Variants in PALLD observed in about 807,000 individuals in gnomAD.
PALLD encodes palladin, cytoskeletal associated protein.
Under a neutral mutation model 123.5 loss-of-function variants are expected in PALLD, and 61 were observed. The ratio of observed to expected loss-of-function variants is 0.49; its 90% CI spans 0.40 to 0.61. The LOEUF is 0.61. Ranked by LOEUF, PALLD falls within the 20% of genes least tolerant of loss-of-function variation. PALLD has a pLI of 0.00. For synonymous variants in PALLD, 465 were observed against 496.4 expected (o/e 0.94, Z 0.84); for missense variants, 1,273 against 1,377.0 (o/e 0.92, Z 1.20).
At chr4:168,652,840 A>G (rs141383352) in intron 2 of PALLD, among the ~76,000 whole-genome samples, 133 of 152,322 alleles carry the variant, frequency 8.7e-4, no homozygotes, top group African/African-American at 3.0e-3. Context: ...CCTAATTAGA[A>G]AGCCCCTGGA....
chr4:168,525,412 C>A (rs1189037104), intron 2 of PALLD, among the ~76,000 whole-genome samples: 1 of 152,112 alleles, frequency 6.6e-6, no homozygotes, highest in African/African-American at 2.4e-5. Flanking sequence ...TTCCTCTGCC[C>A]ACAGTAAAAT....
intron 10 of PALLD, among the ~76,000 whole-genome samples, chr4:168,748,735 A>G (rs1440961316): frequency 1.3e-5 from 2 of 152,084 alleles, no homozygotes; most frequent in Admixed American, 6.5e-5. Flanking sequence ...TTGTGGTTAT[A>G]TGACCGGGCC....
intron 2 of PALLD, among the ~76,000 whole-genome samples, chr4:168,547,547 C>T (rs1180215074): frequency 1.8e-5 from 2 of 110,784 alleles, no homozygotes; most frequent in Non-Finnish European, 3.4e-5. Flanking sequence ...CCTGGTGAAA[C>T]ATTATCTCTA....
chr4:168,746,160 C>T (rs192548186), intron 10 of PALLD, among the ~76,000 whole-genome samples: 1 of 151,906 alleles, frequency 6.6e-6, no homozygotes, highest in Non-Finnish European at 1.5e-5. Context: ...TTTTTTCCCT[C>T]CCCCACTTAA....
chr4:168,816,817 C>CGT (rs61010592), intron 10 of PALLD, among the ~76,000 whole-genome samples: 381 of 111,020 alleles, frequency 3.4e-3, no homozygotes, highest in East Asian at 7.5e-3. Flanking sequence ...GAGCTAGCCC[C>CGT]GTGTGTGTGT....
At chr4:168,718,703 C>T (rs775842299) in intron 10 of PALLD, among the ~76,000 whole-genome samples, 8 of 152,066 alleles carry the variant, frequency 5.3e-5, no homozygotes, top group Admixed American at 1.3e-4. Context: ...CAAATATATA[C>T]GTATATATAA....
intron 8 of PALLD, among the ~76,000 whole-genome samples, chr4:168,694,510 C>A (rs1216239841): frequency 6.6e-6 from 1 of 152,046 alleles, no homozygotes; most frequent in Non-Finnish European, 1.5e-5. Flanking sequence ...CTCACTCCCT[C>A]ATTCTTTTTA....
chr4:168,523,049 G>C (rs1763705179), intron 2 of PALLD, among the ~76,000 whole-genome samples: 1 of 151,814 alleles, frequency 6.6e-6, no homozygotes, highest in African/African-American at 2.4e-5. Flanking sequence ...CACATGTTGT[G>C]GTCCAAAAAA....
rs70961551 is a variant in PALLD, at chr4:168,689,432, C to CTTTT, written c.1336-1141_1336-1138dup. On this transcript the variant is annotated intron_variant, in intron 6 of 21. Coordinates refer to ENST00000505667, the MANE Select transcript of PALLD (RefSeq NM_001166108.2). The stretch of plus-strand genomic sequence containing the variant: ...TACACCTTACATTCGATCCAATATT[C>CTTTT]TTTTTTTTTTTTTTTTTTTTTTTTT... Among the ~76,000 whole-genome samples, 393 of 49,854 alleles carry CTTTT rather than the reference C, an allele frequency of 7.9e-3. 96 individuals are homozygous for CTTTT. Among genetic ancestry groups the CTTTT allele is most frequent in the Non-Finnish European group, 0.011 (291 of 26,384 alleles). The allele number at this position is 49,854 out of a possible 152,430, so 32.7% of individuals were successfully genotyped here.
chr4:168,551,479 A>T lies in PALLD; in HGVS notation c.908+39067A>T, dbSNP rs775104611. On this transcript the variant is annotated intron_variant, in intron 2 of 21. Coordinates refer to ENST00000505667, the MANE Select transcript of PALLD (RefSeq NM_001166108.2). ...GGTAGAATTCCTGAGTGCTTGGTGCATTAGTTATTAAAGGAAATAAAACAA... is the reference window on the plus strand; with the variant it reads ...GGTAGAATTCCTGAGTGCTTGGTGCTTTAGTTATTAAAGGAAATAAAACAA... Among the ~76,000 whole-genome samples, 10 of 152,336 alleles carry T rather than the reference A, an allele frequency of 6.6e-5. No individual in the cohort carries two copies. In the East Asian group the frequency reaches 1.3e-3, roughly 21 times the overall value.
At chr4:168,602,756 T>C (rs1772795853) in intron 2 of PALLD, among the ~76,000 whole-genome samples, 1 of 152,102 alleles carries the variant, frequency 6.6e-6, no homozygotes, top group Non-Finnish European at 1.5e-5. Context: ...GAAAGAAACA[T>C]ACCAACTTGA....
intron 10 of PALLD, among the ~76,000 whole-genome samples, chr4:168,764,451 G>T (rs1231040263): frequency 6.6e-6 from 1 of 152,058 alleles, no homozygotes; most frequent in Non-Finnish European, 1.5e-5. Context: ...ATGTTGTCCA[G>T]GCTGGAGCAC....
At chr4:168,804,396 G>A (rs930425560) in intron 10 of PALLD, among the ~76,000 whole-genome samples, 8 of 152,208 alleles carry the variant, frequency 5.3e-5, no homozygotes, top group Non-Finnish European at 1.0e-4. Context: ...GAACTACAAG[G>A]AGAATCTTCA....
chr4:168,750,205 C>A (rs1313169630), intron 10 of PALLD, among the ~76,000 whole-genome samples: 1 of 152,148 alleles, frequency 6.6e-6, no homozygotes, highest in African/African-American at 2.4e-5. Flanking sequence ...CCTCACCCTC[C>A]CAAAGTGCTG....
intron 10 of PALLD, among the ~76,000 whole-genome samples, chr4:168,787,358 A>G (rs1182426044): frequency 2.6e-5 from 4 of 152,214 alleles, no homozygotes; most frequent in Non-Finnish European, 2.9e-5. Flanking sequence ...ACTACTTACA[A>G]TCTTGATTTA....
intron 10 of PALLD, among the ~76,000 whole-genome samples, chr4:168,761,641 G>GGTTTTTTTTTTTTTTTTT (rs1732853351): frequency 8.6e-5 from 1 of 11,650 alleles, no homozygotes; most frequent in African/African-American, 2.1e-4. Context: ...TGTTGTTGTT[G>GGTTTTTTTTTTTTTTTTT]TTTGTTTTTT....
At chr4:168,714,045 A>G (rs1431218812) in intron 10 of PALLD, among the ~76,000 whole-genome samples, 1 of 142,250 alleles carries the variant, frequency 7.0e-6, no homozygotes, top group Non-Finnish European at 1.5e-5. Context: ...TTTACCTGCC[A>G]TTTAACTAGG....
chr4:168,580,006 T>C (rs1016243553), intron 2 of PALLD, among the ~76,000 whole-genome samples: 2 of 152,034 alleles, frequency 1.3e-5, no homozygotes, highest in Non-Finnish European at 2.9e-5. Context: ...TGAAACTTTG[T>C]ACCGTTTGAC....
At chr4:168,528,139 C>G (rs528530563) in intron 2 of PALLD, among the ~76,000 whole-genome samples, 92 of 152,308 alleles carry the variant, frequency 6.0e-4, no homozygotes, top group African/African-American at 2.0e-3. Flanking sequence ...AGGACCACAA[C>G]TGCTACATCC....
Sources: allele counts gnomAD v4.1 joint callset (sites outside exome capture counted in the v4.1 genomes callset), GRCh38; gene constraint gnomAD v4.1.1; transcripts MANE v1.5; gene names NCBI Gene and HGNC (gene_info 2026-07-23, HGNC 2026-07-21).